Variants in EFNA5 observed in about 807,000 individuals in gnomAD.
EFNA5 encodes ephrin A5, also known as ephrin-A5.
In EFNA5, 5 loss-of-function variants were observed where a neutral mutation model predicts 22.9. That is an observed-to-expected ratio of 0.22 (90% CI 0.11 to 0.46). The LOEUF (loss-of-function observed/expected upper bound fraction) is 0.46. EFNA5 is among the 20% of genes least tolerant of loss of function. The pLI is 0.99. For synonymous variants in EFNA5, 113 were observed against 112.2 expected (o/e 1.01, Z -0.04); for missense variants, 237 against 293.3 (o/e 0.81, Z 1.40).
intron 1 of EFNA5, among the ~76,000 whole-genome samples, chr5:107,515,159 CAAGT>C (rs1747450115): frequency 6.6e-6 from 1 of 151,954 alleles, no homozygotes; most frequent in Non-Finnish European, 1.5e-5. Context: ...CTCAGCCTCC[CAAGT>C]AGCTGGGATT....
chr5:107,628,638 T>C (rs1750186649), intron 1 of EFNA5, among the ~76,000 whole-genome samples: 1 of 152,070 alleles, frequency 6.6e-6, no homozygotes, highest in Non-Finnish European at 1.5e-5. Context: ...CATAGATAAA[T>C]ACTAAATATT....
At chr5:107,563,224 A>T (rs1443337128) in intron 1 of EFNA5, among the ~76,000 whole-genome samples, 1 of 152,150 alleles carries the variant, frequency 6.6e-6, no homozygotes, top group East Asian at 1.9e-4. Flanking sequence ...TTTTTGAATA[A>T]TTCCACACTA....
intron 1 of EFNA5, among the ~76,000 whole-genome samples, chr5:107,437,452 G>C (rs576664614): frequency 4.6e-5 from 7 of 152,222 alleles, no homozygotes; most frequent in Admixed American, 2.6e-4. Context: ...GCAGTCATTA[G>C]AAACGAGGTG....
Position 107,493,373 on chromosome 5 carries a change from AC to A in EFNA5, c.126-65865del, listed in dbSNP as rs375347478. 6.1e-3 allele frequency among the ~76,000 whole-genome samples: 931 copies of A among 152,136 alleles called. 10 individuals carry two copies. Among genetic ancestry groups the A allele is most frequent in the African/African-American group, 0.021 (880 of 41,518 alleles). On this transcript the variant is annotated intron_variant, in intron 1 of 4. Coordinates refer to ENST00000333274, the MANE Select transcript of EFNA5 (RefSeq NM_001962.3). The stretch of plus-strand genomic sequence containing the variant: ...ACTGATTAAAAAAAAAAGTTAAAGG[AC>A]CCAGACTGCTGAATGTGTGCGGTAA...
chr5:107,514,739 A>G (rs895270618), intron 1 of EFNA5, among the ~76,000 whole-genome samples: 1 of 152,136 alleles, frequency 6.6e-6, no homozygotes, highest in Non-Finnish European at 1.5e-5. Context: ...ATTCAGAGTA[A>G]AAGCCCAAGT....
intron 1 of EFNA5, among the ~76,000 whole-genome samples, chr5:107,457,246 A>T (rs1749719105): frequency 6.6e-6 from 1 of 152,116 alleles, no homozygotes; most frequent in Non-Finnish European, 1.5e-5. Flanking sequence ...GTTATGATCT[A>T]AAGTTCTCCA....
intron 1 of EFNA5, among the ~76,000 whole-genome samples, chr5:107,666,169 A>T (rs1751061162): frequency 6.6e-6 from 1 of 152,212 alleles, no homozygotes. Context: ...TCTTAGATTT[A>T]AACCATGCTG....
At chr5:107,597,337 A>T (rs1001691124) in intron 1 of EFNA5, among the ~76,000 whole-genome samples, 1 of 152,174 alleles carries the variant, frequency 6.6e-6, no homozygotes, top group Non-Finnish European at 1.5e-5. Context: ...TCCATCAGAC[A>T]ACCTAACAAA....
At chr5:107,431,201 G>C (rs925272402) in intron 1 of EFNA5, among the ~76,000 whole-genome samples, 1 of 152,148 alleles carries the variant, frequency 6.6e-6, no homozygotes, top group Non-Finnish European at 1.5e-5. Context: ...ATTTCAAAGG[G>C]TGGACAATAT....
chr5:107,514,156 C>A (rs767880612), intron 1 of EFNA5, among the ~76,000 whole-genome samples: 3 of 152,186 alleles, frequency 2.0e-5, no homozygotes, highest in Non-Finnish European at 4.4e-5. Flanking sequence ...CCCAATCAAT[C>A]TTCCCTTCTC....
At chr5:107,481,837 G>C (rs188909398) in intron 1 of EFNA5, among the ~76,000 whole-genome samples, 1 of 132,942 alleles carries the variant, frequency 7.5e-6, no homozygotes, top group Non-Finnish European at 1.5e-5. Flanking sequence ...GTGGTAGAGC[G>C]AGACTCCATC....
intron 1 of EFNA5, among the ~76,000 whole-genome samples, chr5:107,439,333 T>A (rs988658819): frequency 2.9e-4 from 44 of 152,252 alleles, no homozygotes; most frequent in African/African-American, 1.0e-3. Flanking sequence ...CCTCCAAAAC[T>A]GTGAGAAAAT....
chr5:107,569,851 A>G (rs1748758039), intron 1 of EFNA5, among the ~76,000 whole-genome samples: 1 of 145,782 alleles, frequency 6.9e-6, no homozygotes, highest in Admixed American at 6.9e-5. Context: ...AAAAAAAAAA[A>G]AGCAAACAAA....
chr5:107,494,268 C>T (rs559492341), intron 1 of EFNA5, among the ~76,000 whole-genome samples: 16 of 151,206 alleles, frequency 1.1e-4, no homozygotes, highest in African/African-American at 3.7e-4. Flanking sequence ...GAGCTGCGGG[C>T]GGCTGCGGGC....
chr5:107,621,902 G>A (rs1187777309), intron 1 of EFNA5, among the ~76,000 whole-genome samples: 2 of 152,134 alleles, frequency 1.3e-5, no homozygotes, highest in Admixed American at 6.5e-5. Flanking sequence ...AAAGAGATGG[G>A]TGTTGAAGAC....
intron 1 of EFNA5, among the ~76,000 whole-genome samples, chr5:107,555,211 C>T (rs923401483): frequency 1.3e-5 from 2 of 152,364 alleles, no homozygotes; most frequent in African/African-American, 4.8e-5. Context: ...CTGGAATCCT[C>T]AAATCAGATT....
At chr5:107,470,960 A>C (rs1420277569) in intron 1 of EFNA5, among the ~76,000 whole-genome samples, 4 of 152,116 alleles carry the variant, frequency 2.6e-5, no homozygotes, top group Non-Finnish European at 5.9e-5. Context: ...AGTTCTGATG[A>C]TTTCTTTCTT....
intron 1 of EFNA5, among the ~76,000 whole-genome samples, chr5:107,453,453 A>C (rs1749612366): frequency 6.6e-6 from 1 of 152,214 alleles, no homozygotes; most frequent in African/African-American, 2.4e-5. Context: ...TGAGCCTATT[A>C]TATATGGGAC....
chr5:107,397,399 A>T lies in EFNA5; in HGVS notation c.419-9628T>A, dbSNP rs548660714. 2.0e-5 allele frequency among the ~76,000 whole-genome samples: 3 copies of T among 152,176 alleles called. No individual in the cohort carries two copies. The South Asian group carries it at 6.2e-4, about 32-fold the overall frequency. ...TCCCACCTCTACTAAAAATACAAAA[A>T]TTGGTGGGGCGTGGTGGCAGGCGCC... On this transcript the variant is annotated intron_variant, in intron 2 of 4. Transcript: ENST00000333274.
Sources: gnomAD v4.1 joint callset for allele counts (sites outside exome capture counted in the v4.1 genomes callset) on GRCh38, gnomAD v4.1.1 for gene constraint, MANE v1.5 for transcripts, NCBI Gene and HGNC (gene_info 2026-07-23, HGNC 2026-07-21) for gene names.